The following SLC9D1 variants were observed in gnomAD, a reference collection of about 807,000 sequenced individuals.
The protein encoded by SLC9D1 is solute carrier family 9 member D1.
the SLC9D1 span, chr13:113,495,804 A>G: frequency 2.3e-4 from 369 of 1,614,174 alleles, no homozygotes; most frequent in African/African-American, 3.2e-3. Context: ...GAAAACTGCA[A>G]TTGGAGCAGT....
At chr13:113,540,261 T>C in the SLC9D1 span, among the ~76,000 whole-genome samples, 3 of 152,108 alleles carry the variant, frequency 2.0e-5, no homozygotes, top group Non-Finnish European at 4.4e-5. Context: ...AACTCAGCAG[T>C]GGGATTGCTG....
At chr13:113,549,421 G>C in the SLC9D1 span, 2 of 1,613,622 alleles carry the variant, frequency 1.2e-6, no homozygotes, top group South Asian at 2.2e-5. Context: ...CTTTGCTGTT[G>C]CAGGTGTACC....
At chr13:113,498,496 A>T in the SLC9D1 span, 4 of 1,589,288 alleles carry the variant, frequency 2.5e-6, no homozygotes, top group Non-Finnish European at 3.4e-6. Flanking sequence ...GAGATAGAGG[A>T]ACATGCTTTT....
chr13:113,508,223 C>T, the SLC9D1 span, among the ~76,000 whole-genome samples: 1 of 152,228 alleles, frequency 6.6e-6, no homozygotes, highest in Non-Finnish European at 1.5e-5. Context: ...CGCCTGTTCT[C>T]TATAGAAACT....
At chr13:113,509,426 T>C in the SLC9D1 span, among the ~76,000 whole-genome samples, 10,517 of 114,852 alleles carry the variant, frequency 0.092, 844 homozygotes, top group African/African-American at 0.19. Flanking sequence ...GCGGGCTTGG[T>C]GGGTGGGTCC....
chr13:113,520,025 G>A, the SLC9D1 span, among the ~76,000 whole-genome samples: 1 of 152,196 alleles, frequency 6.6e-6, no homozygotes, highest in Non-Finnish European at 1.5e-5. Context: ...ATCCAAGCCT[G>A]TCATCTTGTT....
chr13:113,502,475 AG>A, the SLC9D1 span, among the ~76,000 whole-genome samples: 1 of 152,174 alleles, frequency 6.6e-6, no homozygotes, highest in Admixed American at 6.5e-5. Context: ...GGCCTCCAAA[AG>A]TGCTGAGATT....
chr13:113,520,163 C>T, the SLC9D1 span, among the ~76,000 whole-genome samples: 1 of 152,164 alleles, frequency 6.6e-6, no homozygotes, highest in African/African-American at 2.4e-5. Flanking sequence ...TCAGTGTTCT[C>T]AAAGAGATTT....
chr13:113,537,107 G>A, the SLC9D1 span, among the ~76,000 whole-genome samples: 4 of 152,208 alleles, frequency 2.6e-5, no homozygotes, highest in South Asian at 4.1e-4. Context: ...CCTCCAGGTC[G>A]TTATTCTGTA....
chr13:113,502,236 C>CA, the SLC9D1 span, among the ~76,000 whole-genome samples: 6 of 152,122 alleles, frequency 3.9e-5, no homozygotes, highest in Non-Finnish European at 5.9e-5. Context: ...GTTTTTGAGA[C>CA]AGAGTCTCGC....
At chr13:113,533,990 A>T in the SLC9D1 span, 10 of 1,310,612 alleles carry the variant, frequency 7.6e-6, no homozygotes, top group African/African-American at 1.3e-4. Context: ...TATTTTATTG[A>T]GTTTTAGAGA....
At chr13:113,498,018 C>T in the SLC9D1 span, among the ~76,000 whole-genome samples, 1 of 152,344 alleles carries the variant, frequency 6.6e-6, no homozygotes, top group Admixed American at 6.5e-5. Context: ...CCGCTGCACT[C>T]ACACACATGA....
the SLC9D1 span, among the ~76,000 whole-genome samples, chr13:113,499,094 A>G: frequency 3.5e-4 from 53 of 152,328 alleles, no homozygotes; most frequent in African/African-American, 1.3e-3. Flanking sequence ...GGTTCCTCCC[A>G]TTTTAGACCA....
chr13:113,510,364 T>C, the SLC9D1 span: 1 of 1,614,084 alleles, frequency 6.2e-7, no homozygotes, highest in Non-Finnish European at 8.5e-7. Flanking sequence ...GTGTCTGTCC[T>C]TGTCAAGCAC....
the SLC9D1 span, chr13:113,495,710 C>T: frequency 6.2e-7 from 1 of 1,613,198 alleles, no homozygotes; most frequent in Admixed American, 1.7e-5. Flanking sequence ...GGGTGGCTGC[C>T]ATGCAGAGCC....
At chr13:113,548,535 C>G in the SLC9D1 span, 3 of 1,473,684 alleles carry the variant, frequency 2.0e-6, no homozygotes, top group East Asian at 2.3e-5. Flanking sequence ...GAAGGCGGCT[C>G]GGCAGCACAG....
chr13:113,517,273 C>T, the SLC9D1 span, among the ~76,000 whole-genome samples: 2 of 152,150 alleles, frequency 1.3e-5, no homozygotes, highest in African/African-American at 2.4e-5. Flanking sequence ...CGCTCTGTCG[C>T]CCAGGCTGGA....
At chr13:113,534,097 T>C in the SLC9D1 span, 25 of 1,612,566 alleles carry the variant, frequency 1.6e-5, no homozygotes, top group Non-Finnish European at 1.7e-5. Context: ...GATTCTTTTT[T>C]CACTAGCGGC....
At chr13:113,524,286 A>G in the SLC9D1 span, 1 of 394,352 alleles carries the variant, frequency 2.5e-6, no homozygotes, top group Admixed American at 3.4e-5. Flanking sequence ...TGGTACATAC[A>G]CATTTAGGAT....
Sources: gnomAD v4.1 joint callset for allele counts (sites outside exome capture counted in the v4.1 genomes callset) on GRCh38, gnomAD v4.1.1 for gene constraint, MANE v1.5 for transcripts, NCBI Gene and HGNC (gene_info 2026-07-23, HGNC 2026-07-21) for gene names.